The following PTER variants were observed in gnomAD, a reference collection of about 807,000 sequenced individuals.
PTER encodes N-acetyltaurine hydrolase.
Under a neutral mutation model 29.6 loss-of-function variants are expected in PTER, and 38 were observed. The observed-to-expected ratio is 1.28, with a 90% CI of 0.99 to 1.68. PTER has a LOEUF of 1.68. Ranked by LOEUF, PTER falls within the 40% of genes most tolerant of loss-of-function variation. PTER has a pLI of 0.00. For synonymous variants in PTER, 172 were observed against 154.5 expected (o/e 1.11, Z -0.84); for missense variants, 482 against 427.8 (o/e 1.13, Z -1.12).
chr10:16,516,672 C>A (rs910052785), downstream of PTER, among the ~76,000 whole-genome samples: 1 of 152,218 alleles, frequency 6.6e-6, no homozygotes, highest in South Asian at 2.1e-4. Flanking sequence ...TTGATTTAGA[C>A]ACAATAATCC....
At chr10:16,473,519 GAAA>G (rs72001271) in intron 1 of PTER, among the ~76,000 whole-genome samples, 67 of 28,152 alleles carry the variant, frequency 2.4e-3, no homozygotes, top group South Asian at 5.8e-3. Flanking sequence ...GACTCCATCC[GAAA>G]AAAAAAAAAA....
intron 3 of PTER, among the ~76,000 whole-genome samples, chr10:16,498,616 T>G (rs536542459): frequency 1.3e-5 from 2 of 152,204 alleles, no homozygotes; most frequent in Admixed American, 6.5e-5. Flanking sequence ...TCAAGAAGTA[T>G]TCATGGATAT....
At chr10:16,447,687 C>A (rs1834065395) in intron 1 of PTER, among the ~76,000 whole-genome samples, 1 of 152,100 alleles carries the variant, frequency 6.6e-6, no homozygotes, top group South Asian at 2.1e-4. Flanking sequence ...ACTATAAGGT[C>A]TTGGTCCATA....
chr10:16,510,978 A>C (rs1213809299), intron 4 of PTER, 68 bp from the exon 5 acceptor site: 2 of 1,377,322 alleles, frequency 1.5e-6, no homozygotes, highest in East Asian at 2.5e-5. Flanking sequence ...ATGAGTAAAA[A>C]GTTGAAAGCA....
At chr10:16,477,368 G>T (rs946442717) in intron 1 of PTER, among the ~76,000 whole-genome samples, 2 of 151,548 alleles carry the variant, frequency 1.3e-5, no homozygotes, top group South Asian at 2.1e-4. Context: ...TTAGAGATGG[G>T]GTTTCACCAT....
intron 3 of PTER, among the ~76,000 whole-genome samples, chr10:16,503,664 C>A (rs974809811): frequency 6.6e-6 from 1 of 151,694 alleles, no homozygotes; most frequent in Non-Finnish European, 1.5e-5. Context: ...CCTCAGCCTC[C>A]CAAAGTGCTG....
At chr10:16,449,301 A>T (rs1301599873) in intron 1 of PTER, among the ~76,000 whole-genome samples, 2 of 152,116 alleles carry the variant, frequency 1.3e-5, no homozygotes, top group Non-Finnish European at 2.9e-5. Flanking sequence ...GCATTCTGGT[A>T]CTAGGGAAAT....
At chr10:16,463,696 G>T (rs1019249665) in intron 1 of PTER, among the ~76,000 whole-genome samples, 1 of 152,200 alleles carries the variant, frequency 6.6e-6, no homozygotes, top group African/African-American at 2.4e-5. Context: ...GATTACAGGC[G>T]TGAGCCACCA....
intron 1 of PTER, among the ~76,000 whole-genome samples, chr10:16,451,835 T>G (rs1834221422): frequency 6.6e-6 from 1 of 152,204 alleles, no homozygotes; most frequent in Non-Finnish European, 1.5e-5. Flanking sequence ...CTTTCATAGA[T>G]GAAATAAAAT....
intron 1 of PTER, among the ~76,000 whole-genome samples, chr10:16,461,477 T>G (rs1834610747): frequency 6.6e-6 from 1 of 152,152 alleles, no homozygotes; most frequent in South Asian, 2.1e-4. Context: ...GAAAGAGTGA[T>G]TATTGCTCTA....
At chr10:16,467,419 G>A (rs558202817) in intron 1 of PTER, among the ~76,000 whole-genome samples, 1 of 152,054 alleles carries the variant, frequency 6.6e-6, no homozygotes, top group East Asian at 1.9e-4. Flanking sequence ...GGATAAGAGG[G>A]CACTACTGTG....
chr10:16,507,353 T>C (rs575137574), intron 4 of PTER, among the ~76,000 whole-genome samples: 121 of 151,712 alleles, frequency 8.0e-4, no homozygotes, highest in Non-Finnish European at 1.4e-3. Context: ...AAGATGGAGA[T>C]TTCAGAGGGG....
intron 1 of PTER, among the ~76,000 whole-genome samples, chr10:16,440,699 C>T (rs1157345362): frequency 3.3e-5 from 5 of 152,180 alleles, no homozygotes; most frequent in Non-Finnish European, 7.4e-5. Context: ...TTCCCTCTGC[C>T]GCAGTGACCA....
intron 1 of PTER, among the ~76,000 whole-genome samples, chr10:16,441,498 T>G (rs749077386): frequency 6.6e-6 from 1 of 152,212 alleles, no homozygotes; most frequent in Non-Finnish European, 1.5e-5. Flanking sequence ...GGCAGTGTGT[T>G]CACTCTTTTA....
chr10:16,465,830 G>A (rs1265339266), intron 1 of PTER, among the ~76,000 whole-genome samples: 1 of 152,134 alleles, frequency 6.6e-6, no homozygotes, highest in Non-Finnish European at 1.5e-5. Flanking sequence ...GTGGTGGAAG[G>A]GGAATCACGC....
downstream of PTER, chr10:16,514,352 T>G (rs1272663718): frequency 3.3e-6 from 2 of 598,414 alleles, no homozygotes; most frequent in Non-Finnish European, 5.9e-6. Flanking sequence ...TGCTTTGATA[T>G]TTTTTACATA....
In PTER at chr10:16,511,271, AATTC is replaced by A. The variant is rs373198469; in HGVS notation, c.*17_*20del. 1,788 of 1,597,528 alleles carry A rather than the reference AATTC, an allele frequency of 1.1e-3. 14 individuals are homozygous for A. The African/African-American group carries it at 0.021, about 18-fold the overall frequency. ...CTTTCAAATAGGATGGTTGCTTATG[AATTC>A]ACACCTTGAGTATAAAACTTGCAGA... is the stretch of plus-strand genomic sequence containing the variant. On this transcript the variant is annotated 3_prime_UTR_variant, in exon 5 of 5. Transcript: ENST00000535784.
chr10:16,480,845 T>A lies in PTER; in HGVS notation c.-48-3492T>A, dbSNP rs747583953. Among the ~76,000 whole-genome samples, 89 of 152,262 alleles carry A rather than the reference T, an allele frequency of 5.8e-4. 5 individuals are homozygous for A. The highest frequency in any genetic ancestry group is 2.9e-5 in the Non-Finnish European group (2 of 68,042). On this transcript the variant is annotated intron_variant, in intron 1 of 4. Transcript: ENST00000535784. ...ATCTTCAACAATTAGGTGAATTGTC[T>A]AAGTATTTTGTAGAAGTTGATTTAT...
intron 1 of PTER, among the ~76,000 whole-genome samples, chr10:16,479,600 A>G (rs1018888535): frequency 2.0e-5 from 3 of 152,204 alleles, no homozygotes; most frequent in African/African-American, 7.2e-5. Flanking sequence ...CAAAAAATAG[A>G]AGTGCTGATC....
Sources: gnomAD v4.1 joint callset for allele counts (sites outside exome capture counted in the v4.1 genomes callset) on GRCh38, gnomAD v4.1.1 for gene constraint, MANE v1.5 for transcripts, NCBI Gene and HGNC (gene_info 2026-07-23, HGNC 2026-07-21) for gene names.